CRADD: variants seen among roughly 807,000 people sequenced by gnomAD.
CRADD encodes the protein CARD and death domain containing adaptor protein.
In CRADD, 9 loss-of-function variants were observed where a neutral mutation model predicts 15.5. The ratio of observed to expected loss-of-function variants is 0.58; its 90% CI spans 0.35 to 1.01. The LOEUF is 1.01. Among genes scored for constraint, CRADD ranks in the 50% least tolerant of loss-of-function variants. CRADD has a pLI of 0.02. For missense variants in CRADD, 227 were observed against 250.3 expected, an observed-to-expected ratio of 0.91 and a Z score of 0.63; for synonymous variants, 118 against 107.6, an observed-to-expected ratio of 1.10 and a Z score of -0.60.
At chr12:93,793,120 G>A (rs1957369631) in intron 2 of CRADD, among the ~76,000 whole-genome samples, 1 of 152,020 alleles carries the variant, frequency 6.6e-6, no homozygotes, top group South Asian at 2.1e-4. Flanking sequence ...AAATAGAATT[G>A]CAAACCATAA....
chr12:93,763,284 T>C (rs1399123484), intron 2 of CRADD, among the ~76,000 whole-genome samples: 1 of 152,226 alleles, frequency 6.6e-6, no homozygotes, highest in East Asian at 1.9e-4. Flanking sequence ...GTTGCTGTTT[T>C]CTTTTATGGC....
intron 2 of CRADD, among the ~76,000 whole-genome samples, chr12:93,773,724 G>A: frequency 6.6e-6 from 1 of 151,698 alleles, no homozygotes; most frequent in Non-Finnish European, 1.5e-5. Flanking sequence ...AGTGAACATG[G>A]ATTGTGCAGA....
chr12:93,807,318 A>G (rs1035835555), intron 2 of CRADD, among the ~76,000 whole-genome samples: 1 of 152,114 alleles, frequency 6.6e-6, no homozygotes, highest in Non-Finnish European at 1.5e-5. Flanking sequence ...AACAAGGCAG[A>G]CTGAAGGAGA....
intron 2 of CRADD, among the ~76,000 whole-genome samples, chr12:93,801,632 C>T (rs1294582447): frequency 6.6e-6 from 1 of 152,192 alleles, no homozygotes; most frequent in Non-Finnish European, 1.5e-5. Context: ...CTCCTGACCT[C>T]AGGTGATCCG....
At position 93,816,754 on chromosome 12, in the gene CRADD, C is replaced by T. The variant is rs897537149; in HGVS notation, c.299-33216C>T. 5.3e-5 allele frequency among the ~76,000 whole-genome samples: 8 copies of T among 152,270 alleles called. 1 individual carries two copies. The highest frequency in any genetic ancestry group is 3.4e-3 in the Middle Eastern group (1 of 294). ...GTTCACCTGTCTAGGCAGGAGACTT[C>T]CCATCCCTGTAGAATGACAATGGAT... is the stretch of plus-strand genomic sequence containing the variant. On this transcript the variant is annotated intron_variant, in intron 2 of 2. Transcript: ENST00000332896.
At chr12:93,688,646 A>G (rs1427427733) in intron 2 of CRADD, among the ~76,000 whole-genome samples, 3 of 152,216 alleles carry the variant, frequency 2.0e-5, no homozygotes, top group Non-Finnish European at 2.9e-5. Flanking sequence ...AATCCTGACA[A>G]TAACTTGATG....
intron 2 of CRADD, among the ~76,000 whole-genome samples, chr12:93,856,301 C>T (rs991090433): frequency 6.6e-6 from 1 of 152,228 alleles, no homozygotes; most frequent in Non-Finnish European, 1.5e-5. Flanking sequence ...TCTGATCTAA[C>T]AGTTGTCTAC....
At chr12:93,881,223 G>A (rs1958497578) in intron 2 of CRADD, among the ~76,000 whole-genome samples, 1 of 152,142 alleles carries the variant, frequency 6.6e-6, no homozygotes, top group African/African-American at 2.4e-5. Context: ...CTTATCTTCT[G>A]ATGAGGATTA....
intron 2 of CRADD, among the ~76,000 whole-genome samples, chr12:93,785,004 T>A (rs1160793671): frequency 6.6e-6 from 1 of 152,116 alleles, no homozygotes; most frequent in African/African-American, 2.4e-5. Flanking sequence ...ATCACTTTCC[T>A]CAAAAGAATG....
At chr12:93,799,081 A>G (rs747721751) in intron 2 of CRADD, among the ~76,000 whole-genome samples, 2 of 152,168 alleles carry the variant, frequency 1.3e-5, no homozygotes, top group African/African-American at 2.4e-5. Flanking sequence ...CTACCAGGGT[A>G]ACTTTGGTTT....
chr12:93,799,150 G>T (rs1957451389), intron 2 of CRADD, among the ~76,000 whole-genome samples: 3 of 152,238 alleles, frequency 2.0e-5, no homozygotes, highest in South Asian at 2.1e-4. Context: ...GGGATTTAAG[G>T]CCCCAAGGAA....
intron 2 of CRADD, among the ~76,000 whole-genome samples, chr12:93,884,848 G>A (rs1168365905): frequency 6.6e-6 from 1 of 152,136 alleles, no homozygotes; most frequent in African/African-American, 2.4e-5. Context: ...TGAGGAGGTG[G>A]AGAATCAGAG....
At chr12:93,785,805 G>T (rs149460051) in intron 2 of CRADD, among the ~76,000 whole-genome samples, 2 of 152,192 alleles carry the variant, frequency 1.3e-5, no homozygotes, top group African/African-American at 4.8e-5. Flanking sequence ...GAATAAGGAC[G>T]TATGGGATCG....
chr12:93,721,245 AC>A (rs1435788592), intron 2 of CRADD, among the ~76,000 whole-genome samples: 4 of 151,884 alleles, frequency 2.6e-5, no homozygotes, highest in Non-Finnish European at 5.9e-5. Flanking sequence ...GTTTTTTTAA[AC>A]TTTTTTAAAG....
intron 2 of CRADD, among the ~76,000 whole-genome samples, chr12:93,807,491 C>G (rs1285554677): frequency 1.3e-5 from 2 of 152,110 alleles, no homozygotes; most frequent in Non-Finnish European, 2.9e-5. Flanking sequence ...GCCAGCCCTC[C>G]AGCTGATGAC....
intron 2 of CRADD, among the ~76,000 whole-genome samples, chr12:93,827,995 T>C (rs1230702218): frequency 6.6e-6 from 1 of 152,250 alleles, no homozygotes; most frequent in Admixed American, 6.5e-5. Context: ...TGTCTTTCTG[T>C]GACTGGCAAG....
At chr12:93,892,158 C>CT in intron 2 of CRADD, among the ~76,000 whole-genome samples, 1 of 152,276 alleles carries the variant, frequency 6.6e-6, no homozygotes, top group African/African-American at 2.4e-5. Context: ...GCTCACGCTG[C>CT]TTTACCGAGC....
At chr12:93,751,268 G>A (rs1004522552) in intron 2 of CRADD, among the ~76,000 whole-genome samples, 3 of 152,136 alleles carry the variant, frequency 2.0e-5, no homozygotes, top group Non-Finnish European at 2.9e-5. Flanking sequence ...AGCCCTGGAT[G>A]GTGTTTGTTT....
downstream of CRADD, among the ~76,000 whole-genome samples, chr12:93,853,597 C>A (rs1958246443): frequency 6.6e-6 from 1 of 152,212 alleles, no homozygotes; most frequent in African/African-American, 2.4e-5. Context: ...CGGCTCCCCT[C>A]TATGCACTCT....
Sources: allele counts gnomAD v4.1 joint callset (sites outside exome capture counted in the v4.1 genomes callset), GRCh38; gene constraint gnomAD v4.1.1; transcripts MANE v1.5; gene names NCBI Gene and HGNC (gene_info 2026-07-23, HGNC 2026-07-21).